Variants in FABP7 observed in about 807,000 individuals in gnomAD.
The protein encoded by FABP7 is fatty acid binding protein 7.
In FABP7, 13 loss-of-function variants were observed where a neutral mutation model predicts 14.2. That is an observed-to-expected ratio of 0.91 (90% CI 0.59 to 1.45). The LOEUF is 1.45. FABP7 is among the 40% of genes most tolerant of loss of function. The pLI is 0.00. For synonymous variants in FABP7, 49 were observed against 51.4 expected (o/e 0.95, Z 0.20); for missense variants, 149 against 157.6 (o/e 0.95, Z 0.29).
upstream of FABP7, among the ~76,000 whole-genome samples, chr6:122,778,123 T>C (rs1185324033): frequency 6.6e-6 from 1 of 152,174 alleles, no homozygotes; most frequent in Non-Finnish European, 1.5e-5. Context: ...CCAAGGCTTC[T>C]TGGGTTTGTG....
At chr6:122,758,197 T>C in the FABP7 span, among the ~76,000 whole-genome samples, 2 of 150,192 alleles carry the variant, frequency 1.3e-5, no homozygotes, top group African/African-American at 4.9e-5. Flanking sequence ...AAACTCTGCC[T>C]CCTGGGTTCA....
At chr6:122,764,060 T>A in the FABP7 span, among the ~76,000 whole-genome samples, 5 of 152,304 alleles carry the variant, frequency 3.3e-5, no homozygotes, top group Non-Finnish European at 4.4e-5. Context: ...CAAAGGATTA[T>A]AAATCATGCT....
At chr6:122,750,007 C>A in the FABP7 span, among the ~76,000 whole-genome samples, 2 of 152,120 alleles carry the variant, frequency 1.3e-5, no homozygotes, top group Non-Finnish European at 2.9e-5. Context: ...ATTGTGATAC[C>A]AGCTCAACTA....
chr6:122,749,614 T>G, the FABP7 span, among the ~76,000 whole-genome samples: 1 of 152,212 alleles, frequency 6.6e-6, no homozygotes, highest in Non-Finnish European at 1.5e-5. Flanking sequence ...ATATATCCTT[T>G]CCAGTATCCT....
intron 3 of FABP7, chr6:122,781,838 C>A: frequency 4.1e-6 from 2 of 491,012 alleles, no homozygotes; most frequent in Non-Finnish European, 5.2e-6. Flanking sequence ...GCTTCATGGG[C>A]TCAAGCGATT....
the FABP7 span, among the ~76,000 whole-genome samples, chr6:122,765,755 AT>A: frequency 6.6e-6 from 1 of 151,782 alleles, no homozygotes; most frequent in Non-Finnish European, 1.5e-5. Flanking sequence ...CATTTTTAAA[AT>A]TTCAATCTGT....
the FABP7 span, among the ~76,000 whole-genome samples, chr6:122,753,797 C>A: frequency 1.4e-4 from 15 of 106,018 alleles, no homozygotes; most frequent in African/African-American, 5.2e-4. Flanking sequence ...CCCCCCCCGC[C>A]CACAGAAGTT....
At chr6:122,771,221 G>A in the FABP7 span, among the ~76,000 whole-genome samples, 1 of 152,142 alleles carries the variant, frequency 6.6e-6, no homozygotes, top group African/African-American at 2.4e-5. Context: ...ATGCGGTGGT[G>A]TTCTGGGAGT....
At chr6:122,764,414 G>A in the FABP7 span, among the ~76,000 whole-genome samples, 5 of 152,058 alleles carry the variant, frequency 3.3e-5, no homozygotes, top group South Asian at 2.1e-4. Flanking sequence ...GGGAGGGATG[G>A]CATTAGGAGA....
the FABP7 span, among the ~76,000 whole-genome samples, chr6:122,753,146 C>G: frequency 6.6e-6 from 1 of 152,218 alleles, no homozygotes; most frequent in Non-Finnish European, 1.5e-5. Flanking sequence ...CAAGATCTGT[C>G]TCCCAGCAGG....
the FABP7 span, among the ~76,000 whole-genome samples, chr6:122,750,765 A>G: frequency 1.3e-5 from 2 of 152,246 alleles, no homozygotes; most frequent in East Asian, 1.9e-4. Flanking sequence ...TGTTGATAAA[A>G]GCAGACTTTA....
chr6:122,767,512 G>A, the FABP7 span, among the ~76,000 whole-genome samples: 1 of 151,940 alleles, frequency 6.6e-6, no homozygotes, highest in Non-Finnish European at 1.5e-5. Flanking sequence ...TAAGTGGATT[G>A]GAAAAAATTA....
chr6:122,773,876 C>T, the FABP7 span, among the ~76,000 whole-genome samples: 2 of 151,728 alleles, frequency 1.3e-5, no homozygotes, highest in Admixed American at 6.6e-5. Context: ...TCTTTTATTT[C>T]ACTACTTTTT....
chr6:122,749,273 A>G, the FABP7 span, among the ~76,000 whole-genome samples: 536 of 152,032 alleles, frequency 3.5e-3, 6 homozygotes, highest in African/African-American at 0.011. Context: ...AACCTGGTGG[A>G]ATGCAACTGA....
chr6:122,764,150 AATG>A, the FABP7 span, among the ~76,000 whole-genome samples: 1 of 152,238 alleles, frequency 6.6e-6, no homozygotes, highest in Non-Finnish European at 1.5e-5. Context: ...AATGTCCATC[AATG>A]ATAGACTGGA....
At chr6:122,749,862 T>C in the FABP7 span, among the ~76,000 whole-genome samples, 2 of 152,256 alleles carry the variant, frequency 1.3e-5, no homozygotes, top group Admixed American at 1.3e-4. Flanking sequence ...TACTGTTTCT[T>C]GCTTCATTTC....
chr6:122,780,163 A>G lies in FABP7; in HGVS notation c.74-128A>G, dbSNP rs1032469656. On this transcript the variant is annotated intron_variant, in intron 1 of 3. Coordinates refer to ENST00000368444, the MANE Select transcript of FABP7 (RefSeq NM_001446.5). ...ATCACAGTAGTGTTTTACATGATTA[A>G]TGGGCTAATCATGTTCTAATGAAAC... is the stretch of plus-strand genomic sequence containing the variant. 4 of 1,013,152 alleles carry G rather than the reference A, an allele frequency of 3.9e-6. No individual in the cohort carries two copies. The African/African-American group carries it at 6.5e-5, about 17-fold the overall frequency. The allele number at this position is 1,013,152 out of a possible 1,614,324, so 62.8% of individuals were successfully genotyped here. A position where few individuals can be genotyped will look rare whatever the true frequency, so the allele number is the denominator to read the frequency against.
chr6:122,759,197 A>C, the FABP7 span, among the ~76,000 whole-genome samples: 4 of 152,108 alleles, frequency 2.6e-5, no homozygotes, highest in Non-Finnish European at 5.9e-5. Flanking sequence ...GATGTTCCTC[A>C]TGGGGGTTTC....
chr6:122,772,740 C>A, the FABP7 span, among the ~76,000 whole-genome samples: 1 of 152,144 alleles, frequency 6.6e-6, no homozygotes, highest in East Asian at 1.9e-4. Context: ...TTCTAAAATG[C>A]AATAAGATAA....
Sources: allele counts gnomAD v4.1 joint callset (sites outside exome capture counted in the v4.1 genomes callset), GRCh38; gene constraint gnomAD v4.1.1; transcripts MANE v1.5; gene names NCBI Gene and HGNC (gene_info 2026-07-23, HGNC 2026-07-21).